Variants in DOK6 observed in about 807,000 individuals in gnomAD.
The protein encoded by DOK6 is downstream of tyrosine kinase 6.
In DOK6, 22 loss-of-function variants were observed where a neutral mutation model predicts 44.0. That is an observed-to-expected ratio of 0.50 (90% CI 0.36 to 0.71). The LOEUF (loss-of-function observed/expected upper bound fraction) is 0.71, where lower values mean the gene tolerates loss of function less well. DOK6 is among the 30% of genes least tolerant of loss of function. DOK6 has a pLI of 0.00. For missense variants in DOK6, 340 were observed against 416.4 expected (o/e 0.82, Z 1.60); for synonymous variants, 166 against 145.5 (o/e 1.14, Z -1.01).
intron 3 of DOK6, among the ~76,000 whole-genome samples, chr18:69,651,062 G>C (rs1326670126): frequency 1.3e-5 from 2 of 152,124 alleles, no homozygotes; most frequent in Non-Finnish European, 2.9e-5. Context: ...AAGGCATATT[G>C]TTGGTAAGCA....
Position 69,599,386 on chromosome 18 carries a change from A to G in DOK6, c.177A>G (p.Val59=). The change falls in exon 3 of 8, where the codon GTA becomes GTG. Residue 59 remains valine (V), a splice_region_variant and synonymous_variant. Coordinates refer to ENST00000382713, the MANE Select transcript of DOK6 (RefSeq NM_152721.6). ...KAAYFRNFHK[V]TELHNIKNIT... is the part of the protein sequence containing the mutation. ...TTAAATATATTTTTTCTTTCAAGGT[A>G]ACTGAACTGCACAATATCAAAAATA... The G allele has an allele frequency of 6.2e-7, 1 of 1,610,222 alleles. No homozygotes were observed. Among genetic ancestry groups the G allele is most frequent in the Non-Finnish European group, 8.5e-7 (1 of 1,178,194 alleles).
intron 2 of DOK6, among the ~76,000 whole-genome samples, chr18:69,576,795 A>G (rs1983248561): frequency 6.6e-6 from 1 of 152,202 alleles, no homozygotes; most frequent in Non-Finnish European, 1.5e-5. Flanking sequence ...TTTATCCTCA[A>G]TGAAAACTGA....
intron 7 of DOK6, among the ~76,000 whole-genome samples, chr18:69,813,760 C>G (rs906207607): frequency 5.3e-5 from 8 of 151,962 alleles, no homozygotes; most frequent in Non-Finnish European, 7.4e-5. Context: ...AGCAAATACA[C>G]AAACTAGGAA....
At chr18:69,459,162 G>A (rs1161734894) in intron 1 of DOK6, among the ~76,000 whole-genome samples, 1 of 128,502 alleles carries the variant, frequency 7.8e-6, no homozygotes, top group East Asian at 2.5e-4. Flanking sequence ...AACCAAGGAG[G>A]TGAGAAATCT....
chr18:69,708,783 C>CAAA (rs376287840), intron 5 of DOK6, among the ~76,000 whole-genome samples: 16 of 79,286 alleles, frequency 2.0e-4, no homozygotes, highest in East Asian at 1.4e-3. Context: ...AAATCCGTCT[C>CAAA]AAAAAAAAAA....
chr18:69,685,945 G>T (rs775117505), intron 4 of DOK6, among the ~76,000 whole-genome samples: 9 of 152,006 alleles, frequency 5.9e-5, no homozygotes, highest in Non-Finnish European at 1.3e-4. Context: ...GCTGAATTTT[G>T]TTTCACGCAA....
chr18:69,538,044 A>T (rs8088597), intron 1 of DOK6, among the ~76,000 whole-genome samples: 22,771 of 152,138 alleles, frequency 0.15, 1,961 homozygotes, highest in East Asian at 0.4. Context: ...TATGATTGTG[A>T]CATGCAAAAA....
intron 6 of DOK6, among the ~76,000 whole-genome samples, chr18:69,754,840 T>TCA (rs1422649120): frequency 1.3e-5 from 2 of 152,186 alleles, no homozygotes; most frequent in Non-Finnish European, 2.9e-5. Context: ...TCAAATATAG[T>TCA]CATTTGGGGG....
rs183908656 is a variant in DOK6, at chr18:69,583,835, G to A, written c.175-15549G>A. ...TTTGGCTTTAATATTTGGGCTGGGC[G>A]AGGTGGCTCACGCCTATAATCCCAG... is the stretch of plus-strand genomic sequence containing the variant. On this transcript the variant is annotated intron_variant, in intron 2 of 7. Transcript: ENST00000382713. Among the ~76,000 whole-genome samples, 245 of 152,082 alleles carry A rather than the reference G, an allele frequency of 1.6e-3. 2 individuals are homozygous for A. Among genetic ancestry groups the A allele is most frequent in the African/African-American group, 5.7e-3 (238 of 41,504 alleles).
At chr18:69,510,213 T>C (rs1459299845) in intron 1 of DOK6, among the ~76,000 whole-genome samples, 3 of 152,246 alleles carry the variant, frequency 2.0e-5, no homozygotes, top group African/African-American at 7.2e-5. Context: ...ACAAGTTTAT[T>C]ACACTGAATT....
chr18:69,640,559 C>A (rs946380399), intron 3 of DOK6, among the ~76,000 whole-genome samples: 1 of 152,118 alleles, frequency 6.6e-6, no homozygotes, highest in Non-Finnish European at 1.5e-5. Context: ...GAAGCTTAAA[C>A]TCCTGTGATG....
Position 69,750,553 on chromosome 18 carries a change from A to G in DOK6, c.739-7203A>G, listed in dbSNP as rs1022815078. Among the ~76,000 whole-genome samples the G allele has an allele frequency of 9.8e-5, 15 of 152,338 alleles. No individual in the cohort carries two copies. The South Asian group carries it at 3.1e-3, about 32-fold the overall frequency. ...TCTTCTCATACGCATCAGAATGGCT[A>G]TTATAAAAAGATGAAAGGTAACAAG... is the stretch of plus-strand genomic sequence containing the variant. On this transcript the variant is annotated intron_variant, in intron 6 of 7. Coordinates refer to ENST00000382713, the MANE Select transcript of DOK6 (RefSeq NM_152721.6).
intron 7 of DOK6, among the ~76,000 whole-genome samples, chr18:69,799,467 G>A (rs543083769): frequency 3.0e-4 from 45 of 151,410 alleles, no homozygotes; most frequent in Non-Finnish European, 6.2e-4. Flanking sequence ...GTCCATTCTC[G>A]GAAAAAAGTG....
rs181586725 is a variant in DOK6 at position 69,824,541 on chromosome 18, T to G, written c.857-16703T>G. On this transcript the variant is annotated intron_variant, in intron 7 of 7. Coordinates refer to ENST00000382713, the MANE Select transcript of DOK6 (RefSeq NM_152721.6). ...CATGCCAACTAATTCCTGTATTTTT[T>G]GTAGAGATGAGGTCTCACCATGTTG... is the stretch of plus-strand genomic sequence containing the variant. Among the ~76,000 whole-genome samples the G allele has an allele frequency of 5.1e-3, 779 of 152,142 alleles. 3 individuals carry two copies. Among genetic ancestry groups the G allele is most frequent in the Middle Eastern group, 0.031 (9 of 294 alleles).
chr18:69,438,243 C>T (rs546251062), intron 1 of DOK6, among the ~76,000 whole-genome samples: 5 of 152,170 alleles, frequency 3.3e-5, no homozygotes, highest in Non-Finnish European at 1.5e-5. Context: ...TTGGAATAAA[C>T]AAAGTTTACG....
At chr18:69,403,528 A>G (rs1287582105) in intron 1 of DOK6, among the ~76,000 whole-genome samples, 1 of 152,256 alleles carries the variant, frequency 6.6e-6, no homozygotes, top group African/African-American at 2.4e-5. Flanking sequence ...GTGTGTTCAT[A>G]TAAAAGTTAA....
intron 5 of DOK6, among the ~76,000 whole-genome samples, chr18:69,713,096 T>C (rs1330920558): frequency 6.6e-6 from 1 of 152,186 alleles, no homozygotes; most frequent in African/African-American, 2.4e-5. Context: ...TGAGTTTCTA[T>C]TATTTCAGAG....
chr18:69,630,351 T>A (rs1984661624), intron 3 of DOK6, among the ~76,000 whole-genome samples: 1 of 152,160 alleles, frequency 6.6e-6, no homozygotes. Flanking sequence ...TTCCTTGGAA[T>A]TAAAAAAAAG....
At chr18:69,808,006 C>T (rs1981105484) in intron 7 of DOK6, among the ~76,000 whole-genome samples, 1 of 151,772 alleles carries the variant, frequency 6.6e-6, no homozygotes, top group Non-Finnish European at 1.5e-5. Context: ...TTTTTCTAAG[C>T]ACACATGGAC....
Sources: allele counts gnomAD v4.1 joint callset (sites outside exome capture counted in the v4.1 genomes callset), GRCh38; gene constraint gnomAD v4.1.1; transcripts MANE v1.5; gene names NCBI Gene and HGNC (gene_info 2026-07-23, HGNC 2026-07-21).